TMEM223: variants seen among roughly 807,000 people sequenced by gnomAD.
The protein encoded by TMEM223 is transmembrane protein 223.
In TMEM223, 14 loss-of-function variants were observed where a neutral mutation model predicts 14.1. The observed-to-expected ratio is 0.99, with a 90% confidence interval of 0.66 to 1.55. The LOEUF is 1.55. Ranked by LOEUF, TMEM223 falls within the 40% of genes most tolerant of loss-of-function variation. The pLI is 0.00. For missense variants in TMEM223, 346 were observed against 269.9 expected, an observed-to-expected ratio of 1.28 and a Z score of -1.97; for synonymous variants, 145 against 120.5, an observed-to-expected ratio of 1.20 and a Z score of -1.33.
chr11:62,783,215 G>A (rs2084243243), downstream of TMEM223, among the ~76,000 whole-genome samples: 1 of 152,214 alleles, frequency 6.6e-6, no homozygotes, highest in Non-Finnish European at 1.5e-5. Flanking sequence ...GGGCGCAGTG[G>A]CTCACGCCTG....
chr11:62,787,510 G>T, downstream of TMEM223: 1 of 1,576,646 alleles, frequency 6.3e-7, no homozygotes. Context: ...GGCGGCCGCG[G>T]CGATGACTCG....
downstream of TMEM223, chr11:62,789,940 G>C: frequency 6.2e-7 from 1 of 1,614,074 alleles, no homozygotes; most frequent in South Asian, 1.1e-5. Flanking sequence ...GCTCCAGGTC[G>C]TGCAGTGGAA....
chr11:62,787,768 G>A, downstream of TMEM223: 1 of 689,794 alleles, frequency 1.4e-6, no homozygotes, highest in Non-Finnish European at 2.6e-6. Flanking sequence ...GCGTCTTAAA[G>A]CACTAGGTGG....
downstream of TMEM223, among the ~76,000 whole-genome samples, chr11:62,784,824 T>G (rs1038278052): frequency 3.9e-5 from 6 of 152,240 alleles, no homozygotes; most frequent in Non-Finnish European, 5.9e-5. Flanking sequence ...TAATGCATTT[T>G]AATTTACTTG....
At chr11:62,774,600 G>T in exon 2 of TMEM223, 1 of 454,928 alleles carries the variant, frequency 2.2e-6, no homozygotes, top group Non-Finnish European at 4.4e-6. Flanking sequence ...CCTACCTTCT[G>T]GTGCTGTGCG....
rs1590934973 is a variant in TMEM223 at position 62,779,777 on chromosome 11, C to T, written c.315-5112G>A. 4.6e-5 allele frequency among the ~76,000 whole-genome samples: 7 copies of T among 151,098 alleles called. No individual in the cohort carries two copies. In the East Asian group the frequency reaches 1.4e-3, roughly 30 times the overall value. ...ACCTCTTGGGTTCAAGCAATTCTCC[C>T]ACCTCAGCTTCCCAAGTAGCTGGGA... On this transcript the variant is annotated intron_variant, in intron 1 of 2. Coordinates refer to the TMEM223 transcript ENST00000528367.
intron 1 of TMEM223, among the ~76,000 whole-genome samples, chr11:62,780,042 C>A (rs1237755591): frequency 6.8e-6 from 1 of 145,994 alleles, no homozygotes; most frequent in Non-Finnish European, 1.5e-5. Flanking sequence ...AAACTCCTGC[C>A]CTCAAGCAAT....
downstream of TMEM223, chr11:62,788,013 A>C: frequency 6.5e-6 from 3 of 459,920 alleles, no homozygotes; most frequent in Non-Finnish European, 1.3e-5. Context: ...AATAATTTAC[A>C]TCGTTTACCC....
In TMEM223 at chr11:62,791,796, C is replaced by G. The variant is rs781359312; in HGVS notation, c.199G>C (p.Val67Leu). 1 of 1,573,838 alleles carries G rather than the reference C, an allele frequency of 6.4e-7. No individual in the cohort carries two copies. Among genetic ancestry groups the G allele is most frequent in the East Asian group, 2.3e-5 (1 of 42,570 alleles). ...TGCACCGGAACCGGGGGCCGGGACA[C>G]GGCTGCCACAGCCATGGAAGCCCAG... ...VFWASMAVAA[V>L]SRPPVPVQPL... Residue 67 changes from valine to leucine, a missense_variant, in exon 1 of 2, where the codon GTG becomes CTG. By Grantham distance (32) the Val-to-Leu change is conservative. Coordinates refer to ENST00000307366, the MANE Select transcript of TMEM223 (RefSeq NM_001080501.3).
downstream of TMEM223, among the ~76,000 whole-genome samples, chr11:62,783,487 A>G (rs2084246045): frequency 6.6e-6 from 1 of 151,944 alleles, no homozygotes; most frequent in Admixed American, 6.6e-5. Context: ...GTCTCAAAAA[A>G]AAAAAAAAGT....
chr11:62,787,398 T>C (rs756118693), downstream of TMEM223: 11 of 1,557,148 alleles, frequency 7.1e-6, no homozygotes, highest in African/African-American at 2.7e-5. Flanking sequence ...GGCGGGGTGC[T>C]GCTGCAGCGG....
chr11:62,783,340 G>A (rs2084244603), downstream of TMEM223, among the ~76,000 whole-genome samples: 1 of 152,030 alleles, frequency 6.6e-6, no homozygotes, highest in South Asian at 2.1e-4. Context: ...CAATTAGCCT[G>A]GTGTGGTGGC....
downstream of TMEM223, chr11:62,782,564 C>A: frequency 7.3e-7 from 1 of 1,374,708 alleles, no homozygotes. Context: ...TCACCCCTGG[C>A]AGCCTTCTTC....
chr11:62,784,872 G>A (rs187691278), downstream of TMEM223, among the ~76,000 whole-genome samples: 16 of 152,340 alleles, frequency 1.1e-4, no homozygotes, highest in African/African-American at 3.4e-4. Flanking sequence ...ATATTCAGGA[G>A]TGAAATTAAA....
At chr11:62,772,209 T>TA in intron 2 of TMEM223, 1 of 453,706 alleles carries the variant, frequency 2.2e-6, no homozygotes, top group Non-Finnish European at 4.4e-6. Flanking sequence ...AGCACTTAGC[T>TA]GTGTCTCAGG....
downstream of TMEM223, among the ~76,000 whole-genome samples, chr11:62,788,482 A>G (rs1025271995): frequency 6.6e-6 from 1 of 152,156 alleles, no homozygotes; most frequent in African/African-American, 2.4e-5. Context: ...TGGCAGGCGG[A>G]TCACGAGGTC....
intron 1 of TMEM223, chr11:62,778,938 T>G: frequency 6.2e-7 from 1 of 1,613,914 alleles, no homozygotes; most frequent in Non-Finnish European, 8.5e-7. Flanking sequence ...CGTGCTGTGC[T>G]AGGGGATGAT....
rs1044167559 is a variant in TMEM223 at position 62,773,530 on chromosome 11, C to T, written c.385+1065G>A. Among the ~76,000 whole-genome samples, 8 of 151,684 alleles carry T rather than the reference C, an allele frequency of 5.3e-5. 1 individual carries two copies. In the East Asian group the frequency reaches 1.5e-3, roughly 29 times the overall value. On this transcript the variant is annotated intron_variant, in intron 2 of 2. Transcript: ENST00000528367. Reference sequence around the variant, plus strand: ...TGGTGCGATCTTGACTCACTGCAACCTCTGTCTCACGGGTTCAAGCGATTC... The same window carrying T: ...TGGTGCGATCTTGACTCACTGCAACTTCTGTCTCACGGGTTCAAGCGATTC...
downstream of TMEM223, chr11:62,787,044 C>A: frequency 6.6e-7 from 1 of 1,518,590 alleles, no homozygotes; most frequent in Non-Finnish European, 8.8e-7. Context: ...AGCAGGGCCC[C>A]GGGACCGGCA....
Sources: gnomAD v4.1 joint callset for allele counts (sites outside exome capture counted in the v4.1 genomes callset) on GRCh38, gnomAD v4.1.1 for gene constraint, MANE v1.5 for transcripts, NCBI Gene and HGNC (gene_info 2026-07-23, HGNC 2026-07-21) for gene names.